Variants in ARHGAP36 observed in about 807,000 individuals in gnomAD.
ARHGAP36 encodes Rho GTPase activating protein 36.
Under a neutral mutation model 32.9 loss-of-function variants are expected in ARHGAP36, and 7 were observed. That is an observed-to-expected ratio of 0.21 (90% CI 0.12 to 0.40). The LOEUF is 0.40. Ranked by LOEUF, ARHGAP36 falls within the 10% of genes least tolerant of loss-of-function variation. ARHGAP36 has a pLI of 1.00. For missense variants in ARHGAP36, 383 were observed against 442.2 expected, an observed-to-expected ratio of 0.87 and a Z score of 1.20; for synonymous variants, 165 against 168.3, an observed-to-expected ratio of 0.98 and a Z score of 0.15.
chrX:131,083,906 C>G lies in ARHGAP36; in HGVS notation c.492C>G (p.Arg164=). The change falls in exon 4 of 12, where the codon CGC becomes CGG. Residue 164 remains arginine, a synonymous_variant. Coordinates refer to ENST00000276211, the MANE Select transcript of ARHGAP36 (RefSeq NM_144967.4). ...VVRRVFGRIR[R]FFSRRRNEPT... ...GAAGGGTGTTTGGCCGCATCCGGCGCTTTTTCAGTCGCAGGCGGAATGAGC... is the reference window on the plus strand; with the variant it reads ...GAAGGGTGTTTGGCCGCATCCGGCGGTTTTTCAGTCGCAGGCGGAATGAGC... 3 of 1,212,033 alleles carry G rather than the reference C, an allele frequency of 2.5e-6. No homozygotes were observed. The highest frequency in any genetic ancestry group is 3.3e-6 in the Non-Finnish European group (3 of 895,631).
intron 1 of ARHGAP36, among the ~76,000 whole-genome samples, chrX:131,061,269 C>T (rs2079667155): frequency 9.1e-6 from 1 of 110,265 alleles, no homozygotes; most frequent in Non-Finnish European, 1.9e-5. Context: ...GCAGAACGTG[C>T]AGGTTTGTTA....
chrX:131,060,650 T>C (rs2079663777), intron 1 of ARHGAP36, among the ~76,000 whole-genome samples: 1 of 112,356 alleles, frequency 8.9e-6, no homozygotes, highest in Non-Finnish European at 1.9e-5. Flanking sequence ...TAAGACCTTA[T>C]ATTCGCTGCT....
In ARHGAP36 at chrX:131,070,640, A is replaced by G. The variant is rs756318173; in HGVS notation, c.-142-10884A>G. On this transcript the variant is annotated intron_variant, in intron 1 of 11. Coordinates refer to ENST00000276211, the MANE Select transcript of ARHGAP36 (RefSeq NM_144967.4). ...TGGCAAGGTAAGTGCTAGGTACTTC[A>G]CCTATGTCATTTCACACATTCCTCT... Among the ~76,000 whole-genome samples, 9 of 111,310 alleles carry G rather than the reference A, an allele frequency of 8.1e-5. No homozygotes were observed. In the East Asian group the frequency reaches 2.3e-3, roughly 28 times the overall value.
intron 1 of ARHGAP36, among the ~76,000 whole-genome samples, chrX:131,069,586 A>G (rs1212537952): frequency 8.9e-6 from 1 of 111,910 alleles, no homozygotes; most frequent in Non-Finnish European, 1.9e-5. Flanking sequence ...AGAGTCTGGC[A>G]GGGGGGACAT....
chrX:131,083,632 C>A (rs1378924696), intron 3 of ARHGAP36, 102 bp from the exon 4 acceptor site: 3 of 828,525 alleles, frequency 3.6e-6, no homozygotes, highest in African/African-American at 2.0e-5. Flanking sequence ...GTGGGGTTGG[C>A]TGCGGGTGGT....
intron 1 of ARHGAP36, 67 bp downstream of exon 1, chrX:131,058,511 C>T: frequency 2.1e-6 from 2 of 931,158 alleles, no homozygotes; most frequent in Non-Finnish European, 2.7e-6. Flanking sequence ...GCTGCAGCCC[C>T]CTCTGGGCGC....
In ARHGAP36 at chrX:131,081,878, C is replaced by T; in HGVS notation, c.213C>T (p.Leu71=). 8.3e-7 allele frequency: 1 copy of T among 1,211,914 alleles called. No individual in the cohort carries two copies. The highest frequency in any genetic ancestry group is 1.1e-6 in the Non-Finnish European group (1 of 895,609). The change falls in exon 2 of 12, where the codon CTC becomes CTT. Residue 71 remains leucine (L), a synonymous_variant. Transcript: ENST00000276211. ...TGCAAGAGACTGCTTACCACGAACT[C>T]GTGGCCAGACATTTCCTCTCCGAAT... ...LKLQETAYHE[L]VARHFLSEFK...
chrX:131,070,087 C>A (rs1000994142), intron 1 of ARHGAP36, among the ~76,000 whole-genome samples: 1 of 112,380 alleles, frequency 8.9e-6, no homozygotes, highest in Non-Finnish European at 1.9e-5. Context: ...GGATGGAGGG[C>A]AGTGGCTTTG....
In ARHGAP36 at chrX:131,089,786, C is replaced by T. The variant is rs3788; in HGVS notation, c.*1001C>T. On this transcript the variant is annotated 3_prime_UTR_variant, in exon 12 of 12. Transcript: ENST00000276211. ...ATTGTATTGAGGGATAGAAATTGATCATTTAATGGGTAACAACTGCTGAGC... is the reference window on the plus strand; with the variant it reads ...ATTGTATTGAGGGATAGAAATTGATTATTTAATGGGTAACAACTGCTGAGC... The T allele has an allele frequency of 0.2, 22,072 of 111,798 alleles. 1,790 individuals carry two copies. Among genetic ancestry groups the T allele is most frequent in the African/African-American group, 0.28 (8,695 of 30,569 alleles). The allele number at this position is 111,798 out of a possible 1,213,427, so 9.2% of individuals were successfully genotyped here.
intron 2 of ARHGAP36, among the ~76,000 whole-genome samples, 166 bp from the exon 3 acceptor site, chrX:131,082,999 G>C (rs923655596): frequency 8.8e-6 from 1 of 113,152 alleles, no homozygotes; most frequent in East Asian, 2.8e-4. Flanking sequence ...CTTGTTGTTA[G>C]GTGGGGAAAC....
Position 131,088,804 on chromosome X carries a change from G to C in ARHGAP36, c.*19G>C. ...TCCTTAGATGTTTTTCCTTCTATAA[G>C]GTGCCAGACAGGGGAAAAGGGTGGG... On this transcript the variant is annotated 3_prime_UTR_variant, in exon 12 of 12. Coordinates refer to ENST00000276211, the MANE Select transcript of ARHGAP36 (RefSeq NM_144967.4). 8.4e-7 allele frequency: 1 copy of C among 1,189,108 alleles called. No individual in the cohort carries two copies. Among genetic ancestry groups the C allele is most frequent in the Non-Finnish European group, 1.1e-6 (1 of 885,434 alleles).
intron 2 of ARHGAP36, among the ~76,000 whole-genome samples, chrX:131,082,449 C>T (rs774713053): frequency 8.9e-6 from 1 of 112,652 alleles, no homozygotes; most frequent in African/African-American, 3.2e-5. Flanking sequence ...CAGCTGGCTG[C>T]CGGGGAGCGA....
Position 131,085,577 on chromosome X carries a change from C to T in ARHGAP36, c.956-11C>T, listed in dbSNP as rs367716704. 2.2e-4 allele frequency: 271 copies of T among 1,206,584 alleles called. 1 individual carries two copies. The Middle Eastern group carries it at 2.6e-3, about 12-fold the overall frequency. On this transcript the variant is annotated splice_polypyrimidine_tract_variant and intron_variant, in intron 7 of 11. Coordinates refer to ENST00000276211, the MANE Select transcript of ARHGAP36 (RefSeq NM_144967.4). Reference sequence around the variant, plus strand: ...ATCCCCCTGAGACAGCCCCTGTTTTCCTTCTTCTAGCTTTAAAGCCCCAGG... The same window carrying T: ...ATCCCCCTGAGACAGCCCCTGTTTTTCTTCTTCTAGCTTTAAAGCCCCAGG...
chrX:131,088,732 C>A lies in ARHGAP36; in HGVS notation c.1591C>A (p.Arg531Ser). 1 of 1,211,011 alleles carries A rather than the reference C, an allele frequency of 8.3e-7. No homozygotes were observed. The highest frequency in any genetic ancestry group is 1.1e-6 in the Non-Finnish European group (1 of 895,287). ...PIPEQDRPLL[R>S]VPREKEAKTG... The stretch of plus-strand genomic sequence containing the variant: ...TCCGGAGCAAGACCGCCCATTGCTC[C>A]GTGTGCCCCGGGAGAAGGAGGCCAA... The change falls in exon 12 of 12, where the codon CGT (arginine) becomes AGT (serine). Residue 531 changes from arginine to serine, a missense_variant. Transcript: ENST00000276211.
At chrX:131,070,078 G>A (rs764713529) in intron 1 of ARHGAP36, among the ~76,000 whole-genome samples, 14 of 112,508 alleles carry the variant, frequency 1.2e-4, no homozygotes, top group Admixed American at 9.4e-5. Context: ...GCACTGCAGG[G>A]ATGGAGGGCA....
At chrX:131,068,172 C>A (rs1444125943) in intron 1 of ARHGAP36, among the ~76,000 whole-genome samples, 2 of 111,985 alleles carry the variant, frequency 1.8e-5, no homozygotes, top group African/African-American at 6.5e-5. Flanking sequence ...AAAACGTGCT[C>A]CGCGCACACA....
chrX:131,062,689 C>T (rs1603392276), intron 1 of ARHGAP36, among the ~76,000 whole-genome samples: 1 of 112,017 alleles, frequency 8.9e-6, no homozygotes, highest in African/African-American at 3.2e-5. Flanking sequence ...ATGTTAAATG[C>T]TTTCTATGGC....
chrX:131,077,146 A>G (rs1360464545), intron 1 of ARHGAP36, among the ~76,000 whole-genome samples: 1 of 112,765 alleles, frequency 8.9e-6, no homozygotes, highest in Non-Finnish European at 1.9e-5. Flanking sequence ...ATGTGTCAGC[A>G]GACCAAACTG....
rs1569367717 is a variant in ARHGAP36 at position 131,081,745 on chromosome X, C to T, written c.80C>T (p.Ala27Val). ...RIMPPLLLLS[A>V]FIFLVSVLGG... Reference sequence around the variant, plus strand: ...ATGCCCCCTTTGCTGTTGTTGTCCGCCTTCATTTTTTTAGTGAGTGTCTTG... The same window carrying T: ...ATGCCCCCTTTGCTGTTGTTGTCCGTCTTCATTTTTTTAGTGAGTGTCTTG... Residue 27 changes from alanine (A) to valine (V), a missense_variant, in exon 2 of 12, where the codon GCC becomes GTC. By Grantham distance (64) the Ala-to-Val change is moderately conservative. This residue lies in a region of ARHGAP36 where 156 missense variants were observed against 131.0 expected (regional missense o/e 1.19). Coordinates refer to ENST00000276211, the MANE Select transcript of ARHGAP36 (RefSeq NM_144967.4). 2.5e-6 allele frequency: 3 copies of T among 1,211,873 alleles called. No individual in the cohort carries two copies. The highest frequency in any genetic ancestry group is 2.3e-4 in the Middle Eastern group (1 of 4,350).
Sources: allele counts gnomAD v4.1 joint callset (sites outside exome capture counted in the v4.1 genomes callset), GRCh38; gene constraint gnomAD v4.1.1; regional missense constraint gnomAD v4.1.1; transcripts MANE v1.5; gene names NCBI Gene and HGNC (gene_info 2026-07-23, HGNC 2026-07-21).